The following ESRP1 variants were observed in gnomAD, a reference collection of about 807,000 sequenced individuals.
ESRP1 encodes the protein epithelial splicing regulatory protein 1, also known as RNA-binding motif protein 35A.
ESRP1 carries 33 observed loss-of-function variants against 81.7 expected under a neutral mutation model. The observed-to-expected ratio is 0.40, with a 90% confidence interval of 0.31 to 0.54. ESRP1 has a LOEUF of 0.54. ESRP1 is among the 20% of genes least tolerant of loss of function. The pLI, the probability that ESRP1 is intolerant of heterozygous loss-of-function variation, is 0.41. For missense variants in ESRP1, 672 were observed against 833.1 expected, an observed-to-expected ratio of 0.81 and a Z score of 2.38; for synonymous variants, 320 against 303.3, an observed-to-expected ratio of 1.06 and a Z score of -0.57.
rs530798644 is a variant in ESRP1 at position 94,681,420 on chromosome 8, T to C, written c.1820+3049T>C. On this transcript the variant is annotated intron_variant, in intron 13 of 15. Transcript: ENST00000433389. ...TATGAGGCTGAGATGGGCAAATCAC[T>C]TGAGGTTAGGAGTTTGAGACCAGCC... 2.0e-5 allele frequency among the ~76,000 whole-genome samples: 3 copies of C among 147,114 alleles called. No individual in the cohort carries two copies. The South Asian group carries it at 6.5e-4, about 32-fold the overall frequency.
chr8:94,641,665 A>G (rs1817597520), intron 1 of ESRP1: 1 of 737,820 alleles, frequency 1.4e-6, no homozygotes, highest in Non-Finnish European at 2.1e-6. Context: ...GCTCAGGTGG[A>G]GAGGCCGGCG....
intron 7 of ESRP1, 59 bp from the exon 8 acceptor site, chr8:94,664,868 C>CA: frequency 6.2e-7 from 1 of 1,605,834 alleles, no homozygotes; most frequent in Non-Finnish European, 8.5e-7. Flanking sequence ...GATTTTCTAT[C>CA]TTTTTTTTCC....
chr8:94,653,497 C>A (rs1272411316), intron 4 of ESRP1, among the ~76,000 whole-genome samples: 1 of 152,142 alleles, frequency 6.6e-6, no homozygotes, highest in Non-Finnish European at 1.5e-5. Flanking sequence ...TGGACCCCAC[C>A]AGGTTGTCGG....
Position 94,662,330 on chromosome 8 carries a change from T to C in ESRP1, c.549T>C (p.Asp183=). 1.3e-6 allele frequency: 2 copies of C among 1,585,308 alleles called. No homozygotes were observed. Among genetic ancestry groups the C allele is most frequent in the Non-Finnish European group, 1.7e-6 (2 of 1,164,410 alleles). The change falls in exon 5 of 16, where the codon GAT becomes GAC. Residue 183 remains aspartate, a synonymous_variant. Transcript: ENST00000433389. ...GATATGGAGCCTCTCAAGTTGAAGA[T>C]ATGGGGAATATAATTTTAGCAATGA... is the stretch of plus-strand genomic sequence containing the variant. ...VSRYGASQVE[D]MGNIILAMIS...
At chr8:94,704,390 A>G (rs1484784433) in intron 15 of ESRP1, among the ~76,000 whole-genome samples, 1 of 152,054 alleles carries the variant, frequency 6.6e-6, no homozygotes, top group African/African-American at 2.4e-5. Context: ...GCCAGGCAAG[A>G]GGAACACTTG....
rs539255005 is a variant in ESRP1 at position 94,688,366 on chromosome 8, T to C, written c.1821-4311T>C. The C allele has an allele frequency of 1.8e-5, 5 of 272,756 alleles. 1 individual carries two copies. In the South Asian group the frequency reaches 2.4e-4, roughly 13 times the overall value. The allele number at this position is 272,756 out of a possible 1,614,324, so 16.9% of individuals were successfully genotyped here. Reference sequence around the variant, plus strand: ...GACTGATGATGAAGCATGGTTACAATGGCGAATTTGAAGTCATTTGAGATC... The same window carrying C: ...GACTGATGATGAAGCATGGTTACAACGGCGAATTTGAAGTCATTTGAGATC... On this transcript the variant is annotated intron_variant, in intron 13 of 15. Coordinates refer to ENST00000433389, the MANE Select transcript of ESRP1 (RefSeq NM_017697.4).
At chr8:94,669,430 C>T (rs1819193484) in intron 10 of ESRP1, among the ~76,000 whole-genome samples, 1 of 152,226 alleles carries the variant, frequency 6.6e-6, no homozygotes, top group South Asian at 2.1e-4. Context: ...AATAATTATG[C>T]AAAGTTAAGA....
intron 4 of ESRP1, among the ~76,000 whole-genome samples, chr8:94,659,187 G>A (rs527381536): frequency 1.3e-5 from 2 of 151,964 alleles, no homozygotes; most frequent in South Asian, 4.2e-4. Context: ...GGCCAGTTTT[G>A]TTTTGTTTAA....
chr8:94,642,116 G>T (rs1168097978), intron 2 of ESRP1, 32 bp downstream of exon 2: 2 of 1,602,938 alleles, frequency 1.2e-6, no homozygotes, highest in Non-Finnish European at 1.7e-6. Context: ...ACCCACCCCA[G>T]CCTGGGCCCA....
At chr8:94,661,288 CGCCTCG>C (rs911911881) in intron 4 of ESRP1, among the ~76,000 whole-genome samples, 1 of 152,148 alleles carries the variant, frequency 6.6e-6, no homozygotes, top group Non-Finnish European at 1.5e-5. Flanking sequence ...GAGATCCTCC[CGCCTCG>C]GCATCCCAAA....
intron 15 of ESRP1, among the ~76,000 whole-genome samples, chr8:94,700,714 G>C (rs1809789199): frequency 6.6e-6 from 1 of 152,010 alleles, no homozygotes; most frequent in Non-Finnish European, 1.5e-5. Flanking sequence ...CGGATCACGA[G>C]GTCAGGAGAT....
At position 94,642,071 on chromosome 8, in the gene ESRP1, A is replaced by T. The variant is rs1336348212; in HGVS notation, c.248A>T (p.Gln83Leu). Residue 83 changes from glutamine to leucine, a missense_variant, in exon 2 of 16, where the codon CAA becomes CTA. Coordinates refer to ENST00000433389, the MANE Select transcript of ESRP1 (RefSeq NM_017697.4). Reference sequence around the variant, plus strand: ...CTGTCCTCGGCGTCGCAGCTGGACCAAGCCCTCCGACAGGTGACAACCCCG... The same window carrying T: ...CTGTCCTCGGCGTCGCAGCTGGACCTAGCCCTCCGACAGGTGACAACCCCG... ...ESLSSASQLDQALRQFNQSVS... is the reference protein window; with the variant it reads ...ESLSSASQLDLALRQFNQSVS... 6.2e-7 allele frequency: 1 copy of T among 1,612,152 alleles called. No individual in the cohort carries two copies. The highest frequency in any genetic ancestry group is 1.7e-5 in the Admixed American group (1 of 60,020).
intron 9 of ESRP1, among the ~76,000 whole-genome samples, chr8:94,666,445 A>G (rs1279874705): frequency 1.3e-5 from 2 of 152,260 alleles, no homozygotes; most frequent in African/African-American, 2.4e-5. Flanking sequence ...AAATCTCTGT[A>G]TGCGCCACTC....
At chr8:94,701,545 G>C (rs1191205694) in intron 15 of ESRP1, among the ~76,000 whole-genome samples, 1 of 151,982 alleles carries the variant, frequency 6.6e-6, no homozygotes, top group East Asian at 1.9e-4. Flanking sequence ...CGCCAGAAAG[G>C]GTGTTTTTCT....
intron 12 of ESRP1, among the ~76,000 whole-genome samples, chr8:94,676,107 C>T (rs549562183): frequency 6.6e-6 from 1 of 152,236 alleles, no homozygotes; most frequent in East Asian, 1.9e-4. Context: ...GGCATGGTGG[C>T]TTACACCTGT....
chr8:94,669,310 A>G (rs1819187090), intron 10 of ESRP1, among the ~76,000 whole-genome samples: 1 of 152,192 alleles, frequency 6.6e-6, no homozygotes, highest in African/African-American at 2.4e-5. Context: ...AGTGATTCAT[A>G]TGATTCCACA....
intron 4 of ESRP1, among the ~76,000 whole-genome samples, chr8:94,655,060 G>GTTTTT (rs139506660): frequency 0.17 from 24,060 of 145,698 alleles, 2,374 homozygotes; most frequent in African/African-American, 0.27. Flanking sequence ...GGTTTTTTGG[G>GTTTTT]TTTTTTGTGT....
At chr8:94,646,326 TC>T in intron 4 of ESRP1, 44 bp downstream of exon 4, 1 of 1,241,472 alleles carries the variant, frequency 8.1e-7, no homozygotes, top group Non-Finnish European at 1.1e-6. Flanking sequence ...AAAAGATAGT[TC>T]CAGAAAAGGT....
chr8:94,642,153 G>T, intron 2 of ESRP1, 69 bp downstream of exon 2: 1 of 1,559,100 alleles, frequency 6.4e-7, no homozygotes, highest in African/African-American at 1.4e-5. Context: ...CGCCCTCTCA[G>T]GGCGGCCCAC....
Sources: allele counts gnomAD v4.1 joint callset (sites outside exome capture counted in the v4.1 genomes callset), GRCh38; gene constraint gnomAD v4.1.1; transcripts MANE v1.5; gene names NCBI Gene and HGNC (gene_info 2026-07-23, HGNC 2026-07-21).